Variants in MORC1 observed in about 807,000 individuals in gnomAD.
MORC1 encodes MORC family CW-type zinc finger 1.
In MORC1, 59 loss-of-function variants were observed where a neutral mutation model predicts 134.9. The ratio of observed to expected loss-of-function variants is 0.44; its 90% confidence interval spans 0.35 to 0.54. The LOEUF (loss-of-function observed/expected upper bound fraction) is 0.54. Ranked by LOEUF, MORC1 falls within the 20% of genes least tolerant of loss-of-function variation. The pLI, the probability that MORC1 is intolerant of heterozygous loss-of-function variation, is 0.00. For synonymous variants in MORC1, 395 were observed against 391.7 expected (o/e 1.01, Z -0.10); for missense variants, 947 against 1,134.5 (o/e 0.83, Z 2.37).
In MORC1 at chr3:109,004,865, G is replaced by A. The variant is rs1415973411; in HGVS notation, c.2037C>T (p.Thr679=). 1 of 1,613,380 alleles carries A rather than the reference G, an allele frequency of 6.2e-7. No homozygotes were observed. The highest frequency in any genetic ancestry group is 1.1e-5 in the South Asian group (1 of 90,832). ...RSQRSQIANI[T]TVWRAQPTEG... ...CAGTTGGTTGAGCTCTCCAGACAGT[G>A]GTAATATTAGCAATCTGACTTCTCT... Residue 679 remains threonine (T), a synonymous_variant, in exon 20 of 28, where the codon ACC becomes ACT. Coordinates refer to ENST00000232603, the MANE Select transcript of MORC1 (RefSeq NM_014429.4).
intron 14 of MORC1, 78 bp from the exon 15 acceptor site, chr3:109,035,546 A>G: frequency 1.2e-6 from 1 of 866,224 alleles, no homozygotes; most frequent in South Asian, 1.9e-5. Context: ...GGAAGTTTGT[A>G]TATACAATAT....
At chr3:108,992,996 A>G (rs1449283255) in intron 21 of MORC1, among the ~76,000 whole-genome samples, 1 of 152,192 alleles carries the variant, frequency 6.6e-6, no homozygotes, top group East Asian at 1.9e-4. Flanking sequence ...TCTCATAACA[A>G]CCTTGAGAAT....
rs1326532293 is a variant in MORC1 at position 109,038,420 on chromosome 3, G to T, written c.1331-2952C>A. 3.3e-5 allele frequency among the ~76,000 whole-genome samples: 5 copies of T among 152,032 alleles called. No homozygotes were observed. In the South Asian group the frequency reaches 8.3e-4, roughly 25 times the overall value. On this transcript the variant is annotated intron_variant, in intron 14 of 27. Coordinates refer to ENST00000232603, the MANE Select transcript of MORC1 (RefSeq NM_014429.4). ...CACTCTGATGGTAGTTTCTTTTGCT[G>T]TGCTGAAGCTCTTCAGTTTAATTAG... is the stretch of plus-strand genomic sequence containing the variant.
At chr3:109,030,981 A>C (rs1018584418) in intron 16 of MORC1, among the ~76,000 whole-genome samples, 2 of 152,232 alleles carry the variant, frequency 1.3e-5, no homozygotes, top group African/African-American at 4.8e-5. Context: ...GTACTCATAC[A>C]AATTAAAAAT....
intron 13 of MORC1, among the ~76,000 whole-genome samples, chr3:109,055,252 C>T (rs1333752524): frequency 2.0e-5 from 3 of 152,164 alleles, no homozygotes; most frequent in African/African-American, 7.2e-5. Flanking sequence ...CCAGAGAACC[C>T]CTTTCTTTCT....
At chr3:109,056,650 C>T (rs970483487) in intron 13 of MORC1, among the ~76,000 whole-genome samples, 14 of 152,206 alleles carry the variant, frequency 9.2e-5, no homozygotes, top group African/African-American at 2.7e-4. Flanking sequence ...ATCAGCAGAG[C>T]TTAGTATAGT....
intron 8 of MORC1, among the ~76,000 whole-genome samples, chr3:109,081,014 C>T (rs1225912044): frequency 6.6e-6 from 1 of 152,000 alleles, no homozygotes; most frequent in Non-Finnish European, 1.5e-5. Context: ...ATCCTTCACC[C>T]TCCATGTACA....
chr3:109,091,897 A>T (rs1021276500), intron 8 of MORC1, among the ~76,000 whole-genome samples: 5 of 152,244 alleles, frequency 3.3e-5, no homozygotes, highest in African/African-American at 1.2e-4. Flanking sequence ...CTAAATGGCT[A>T]GAGAAGCTCT....
At chr3:108,990,342 C>A (rs1948012073) in intron 21 of MORC1, among the ~76,000 whole-genome samples, 1 of 152,114 alleles carries the variant, frequency 6.6e-6, no homozygotes, top group Non-Finnish European at 1.5e-5. Context: ...CTGACCCCCC[C>A]ACCTCTCTGT....
intron 20 of MORC1, among the ~76,000 whole-genome samples, chr3:109,002,718 T>C (rs1029203501): frequency 9.9e-5 from 15 of 152,166 alleles, no homozygotes; most frequent in Non-Finnish European, 1.9e-4. Flanking sequence ...CTTTCTTCTA[T>C]ACTCGGCCAA....
At chr3:108,999,729 G>A (rs1020730493) in intron 21 of MORC1, among the ~76,000 whole-genome samples, 16 of 152,064 alleles carry the variant, frequency 1.1e-4, no homozygotes, top group Non-Finnish European at 2.1e-4. Context: ...TTACTCTTAC[G>A]CGGGTTAAAG....
chr3:109,110,133 T>A (rs1277944362), intron 3 of MORC1: 1 of 152,200 alleles, frequency 6.6e-6, no homozygotes, highest in Non-Finnish European at 1.5e-5. Flanking sequence ...TGGATTTAGA[T>A]CATGGAGCAT....
chr3:108,969,739 T>C lies in MORC1; in HGVS notation c.2551-17A>G. On this transcript the variant is annotated splice_polypyrimidine_tract_variant and intron_variant, in intron 25 of 27. Transcript: ENST00000232603. The stretch of plus-strand genomic sequence containing the variant: ...CTGCTCCAGCTGTTTTCATAAATGA[T>C]AATAGAACAGGATATTAGCTTTTAG... 8 of 1,611,180 alleles carry C rather than the reference T, an allele frequency of 5.0e-6. No individual in the cohort carries two copies. The highest frequency in any genetic ancestry group is 6.8e-6 in the Non-Finnish European group (8 of 1,177,534).
intron 17 of MORC1, among the ~76,000 whole-genome samples, chr3:109,008,786 ATTTG>A (rs1165699400): frequency 3.3e-5 from 5 of 152,022 alleles, no homozygotes; most frequent in Non-Finnish European, 5.9e-5. Flanking sequence ...CAGTGGCAAA[ATTTG>A]TTTATTTTTT....
intron 2 of MORC1, 148 bp from the exon 3 acceptor site, chr3:109,110,931 C>A: frequency 8.3e-6 from 4 of 484,642 alleles, no homozygotes; most frequent in Non-Finnish European, 1.5e-5. Flanking sequence ...GCTATTATAT[C>A]ATAAGACCTA....
intron 24 of MORC1, among the ~76,000 whole-genome samples, chr3:108,977,904 G>A (rs1433919360): frequency 1.3e-5 from 2 of 152,062 alleles, no homozygotes; most frequent in Non-Finnish European, 2.9e-5. Context: ...TTGAGATGGA[G>A]TCTTGCTCTG....
chr3:109,000,813 G>C (rs1013627500), intron 20 of MORC1, among the ~76,000 whole-genome samples, 155 bp from the exon 21 acceptor site: 9 of 152,134 alleles, frequency 5.9e-5, no homozygotes, highest in African/African-American at 1.9e-4. Context: ...TATGATAAGC[G>C]CTTGATAAGA....
intron 15 of MORC1, among the ~76,000 whole-genome samples, chr3:109,033,562 G>A (rs1432777281): frequency 6.6e-6 from 1 of 152,034 alleles, no homozygotes; most frequent in Non-Finnish European, 1.5e-5. Context: ...GTTAACACTT[G>A]TCCCTTTCAT....
intron 1 of MORC1, 145 bp from the exon 2 acceptor site, chr3:109,114,582 G>A (rs76624072): frequency 2.4e-5 from 16 of 676,010 alleles, no homozygotes; most frequent in Non-Finnish European, 3.4e-5. Flanking sequence ...CTCTCAGCAC[G>A]GTCAAGATTC....
Sources: allele counts gnomAD v4.1 joint callset (sites outside exome capture counted in the v4.1 genomes callset), GRCh38; gene constraint gnomAD v4.1.1; transcripts MANE v1.5; gene names NCBI Gene and HGNC (gene_info 2026-07-23, HGNC 2026-07-21).